Variants in MOV10 observed in about 807,000 individuals in gnomAD.
The protein encoded by MOV10 is Mov10 RNA helicase.
Under a neutral mutation model 108.4 loss-of-function variants are expected in MOV10, and 39 were observed. The ratio of observed to expected loss-of-function variants is 0.36; its 90% CI spans 0.28 to 0.47. The LOEUF (loss-of-function observed/expected upper bound fraction) is 0.47, where lower values mean the gene tolerates loss of function less well. MOV10 is among the 20% of genes least tolerant of loss of function. MOV10 has a pLI of 1.00. For missense variants in MOV10, 952 were observed against 1,297.6 expected (o/e 0.73, Z 4.09); for synonymous variants, 490 against 523.1 (o/e 0.94, Z 0.86).
At chr1:112,689,745 T>C in intron 4 of MOV10, 95 bp downstream of exon 4, 2 of 1,581,942 alleles carry the variant, frequency 1.3e-6, no homozygotes, top group Non-Finnish European at 1.7e-6. Context: ...TCCATGGGAC[T>C]CTTGCCTTGG....
chr1:112,687,974 A>AAGAG (rs1242793270), intron 2 of MOV10, among the ~76,000 whole-genome samples: 1 of 152,004 alleles, frequency 6.6e-6, no homozygotes, highest in East Asian at 1.9e-4. Flanking sequence ...TCTTGTGCCC[A>AAGAG]GGTAATGCCC....
At chr1:112,693,451 G>A (rs1019488554) in intron 7 of MOV10, among the ~76,000 whole-genome samples, 7 of 152,162 alleles carry the variant, frequency 4.6e-5, no homozygotes, top group African/African-American at 1.2e-4. Context: ...ATCTTGGCTC[G>A]CTTTAATCCC....
chr1:112,684,363 G>C (rs1026920411), intron 2 of MOV10, among the ~76,000 whole-genome samples: 1 of 150,820 alleles, frequency 6.6e-6, no homozygotes, highest in African/African-American at 2.4e-5. Flanking sequence ...CGCCTCCTGG[G>C]TTCAAGCGAT....
In MOV10 at chr1:112,691,757, G is replaced by T; in HGVS notation, c.929G>T (p.Gly310Val). 1 of 1,614,134 alleles carries T rather than the reference G, an allele frequency of 6.2e-7. No individual in the cohort carries two copies. Residue 310 changes from glycine to valine, a missense_variant, in exon 6 of 21, where the codon GGA becomes GTA. By Grantham distance (109) the Gly-to-Val change is moderately radical. Around this residue, in one of 5 missense-constraint regions of MOV10, gnomAD observed 374 missense variants for 468.6 expected, o/e 0.80. Transcript: ENST00000369645. Reference protein sequence around the residue: ...LRQLLPMLLQGTSIFTAPKEI... With the variant: ...LRQLLPMLLQVTSIFTAPKEI... ...CAGCTGCTCCCCATGCTTCTTCAGGGAACAAGTATCTTCACTGCCCCTAAG... is the reference window on the plus strand; with the variant it reads ...CAGCTGCTCCCCATGCTTCTTCAGGTAACAAGTATCTTCACTGCCCCTAAG...
At chr1:112,700,089 TC>T in intron 19 of MOV10, 107 bp downstream of exon 19, 1 of 1,584,476 alleles carries the variant, frequency 6.3e-7, no homozygotes, top group Non-Finnish European at 8.6e-7. Flanking sequence ...CTCAGATGTG[TC>T]CATTTTCACA....
At chr1:112,696,950 G>T in intron 14 of MOV10, 104 bp downstream of exon 14, 1 of 952,358 alleles carries the variant, frequency 1.1e-6, no homozygotes, top group Non-Finnish European at 1.6e-6. Flanking sequence ...TTGCTCAGAG[G>T]TTGTGTGATG....
rs151244537 is a variant in MOV10 at position 112,688,764 on chromosome 1, C to T, written c.138-171C>T. 1,166 of 1,446,888 alleles carry T rather than the reference C, an allele frequency of 8.1e-4. 6 individuals are homozygous for T. In the African/African-American group the frequency reaches 0.015, roughly 19 times the overall value. The allele number at this position is 1,446,888 out of a possible 1,614,324, so 89.6% of individuals were successfully genotyped here. A position where few individuals can be genotyped will look rare whatever the true frequency, so the allele number is the denominator to read the frequency against. ...CATTGCCTTCCCTGAAAACATTAAA[C>T]ATTCCTCCGATCCCCAGCCTGAGTC... On this transcript the variant is annotated intron_variant, in intron 2 of 20. Coordinates refer to ENST00000369645, the MANE Select transcript of MOV10 (RefSeq NM_001321324.2).
At chr1:112,688,167 G>A (rs1219915655) in intron 2 of MOV10, among the ~76,000 whole-genome samples, 3 of 152,192 alleles carry the variant, frequency 2.0e-5, no homozygotes, top group South Asian at 2.1e-4. Flanking sequence ...CGAGGCAAGC[G>A]CTGAGTTTCT....
intron 2 of MOV10, among the ~76,000 whole-genome samples, chr1:112,676,263 A>G (rs1023341775): frequency 1.3e-5 from 2 of 152,216 alleles, no homozygotes; most frequent in Non-Finnish European, 2.9e-5. Flanking sequence ...CATGTACACA[A>G]TATAGGATAG....
Position 112,700,112 on chromosome 1 carries a change from G to GT in MOV10, c.2799-106dup. 3.8e-6 allele frequency: 6 copies of GT among 1,589,976 alleles called. 1 individual carries two copies. The Middle Eastern group carries it at 9.5e-4, about 253-fold the overall frequency. On this transcript the variant is annotated intron_variant, in intron 19 of 20. Transcript: ENST00000369645. The stretch of plus-strand genomic sequence containing the variant: ...TGTCCATTTTCACAGCATCACTATT[G>GT]TATTTATAAGTTAAATGACATCCAG...
chr1:112,674,877 A>G lies in MOV10; in HGVS notation c.-36A>G, dbSNP rs779940711. ...AGCGGCGACTTTCAGTTTCATTTCC[A>G]CGGACCCTCCTGCCTGGGCCGCAGC... is the stretch of plus-strand genomic sequence containing the variant. On this transcript the variant is annotated 5_prime_UTR_variant, in exon 2 of 21. Coordinates refer to ENST00000369645, the MANE Select transcript of MOV10 (RefSeq NM_001321324.2). 3.3e-6 allele frequency: 5 copies of G among 1,524,368 alleles called. No homozygotes were observed. Among genetic ancestry groups the G allele is most frequent in the Non-Finnish European group, 3.5e-6 (4 of 1,141,056 alleles). The allele number at this position is 1,524,368 out of a possible 1,614,324, so 94.4% of individuals were successfully genotyped here. A position where few individuals can be genotyped will look rare whatever the true frequency, so the allele number is the denominator to read the frequency against.
rs150456575 is a variant in MOV10 at position 112,695,535 on chromosome 1, C to T, written c.1740C>T (p.Ala580=). 8.0e-4 allele frequency: 1,285 copies of T among 1,614,012 alleles called. 4 individuals carry two copies. Among genetic ancestry groups the T allele is most frequent in the Non-Finnish European group, 9.8e-4 (1,155 of 1,180,036 alleles). ...CTAGCTCCATCTACCGCCTCCTGGC[C>T]CCCAGCAGGGACATCCGCATGGTAC... ...HLPSSIYRLL[A]PSRDIRMVPE... Residue 580 remains alanine, a synonymous_variant, in exon 11 of 21, where the codon GCC becomes GCT. Coordinates refer to ENST00000369645, the MANE Select transcript of MOV10 (RefSeq NM_001321324.2).
rs753180771 is a variant in MOV10 at position 112,699,887 on chromosome 1, C to T, written c.2710-7C>T. ...CCTCCCATGACCACACCACTTCTTC[C>T]TTCCAGAGGTTCAATGTAGCTGTGA... On this transcript the variant is annotated splice_region_variant and splice_polypyrimidine_tract_variant and intron_variant, in intron 18 of 20. Transcript: ENST00000369645. 1.7e-5 allele frequency: 28 copies of T among 1,614,056 alleles called. No homozygotes were observed. In the Admixed American group the frequency reaches 4.5e-4, roughly 26 times the overall value.
intron 2 of MOV10, chr1:112,688,504 C>CA (rs1673273264): frequency 1.9e-6 from 2 of 1,076,150 alleles, no homozygotes; most frequent in Admixed American, 4.8e-5. Flanking sequence ...CTGGACCCCA[C>CA]ATCCACCCCT....
chr1:112,675,881 T>C lies in MOV10; in HGVS notation c.137+832T>C, dbSNP rs6537749. On this transcript the variant is annotated intron_variant, in intron 2 of 20. Coordinates refer to ENST00000369645, the MANE Select transcript of MOV10 (RefSeq NM_001321324.2). This position sits in a 1 kb window ranked among gnomAD's most constrained non-coding sequence, Gnocchi z 4.7. The stretch of plus-strand genomic sequence containing the variant: ...AAGACTTGTACAAATAAACATAAGG[T>C]AGTGGGAATCTGGGCTTAATAACAG... Among the ~76,000 whole-genome samples, 51,156 of 152,042 alleles carry C rather than the reference T, an allele frequency of 0.34. 10,755 individuals are homozygous for C. Among genetic ancestry groups the C allele is most frequent in the South Asian group, 0.62 (2,973 of 4,816 alleles).
chr1:112,682,541 G>T (rs1046667802), intron 2 of MOV10, among the ~76,000 whole-genome samples: 8 of 152,186 alleles, frequency 5.3e-5, no homozygotes, highest in Non-Finnish European at 7.3e-5. Context: ...GTTCTGTGAG[G>T]TTTAACAAAT....
At chr1:112,692,341 A>T (rs1489455649) in intron 6 of MOV10, among the ~76,000 whole-genome samples, 11 of 152,204 alleles carry the variant, frequency 7.2e-5, no homozygotes, top group Admixed American at 7.2e-4. Context: ...GTCTCTAAAA[A>T]AGATGAACAG....
At chr1:112,690,193 C>T (rs1673458611) in intron 5 of MOV10, 95 bp downstream of exon 5, 4 of 1,462,312 alleles carry the variant, frequency 2.7e-6, no homozygotes, top group Admixed American at 4.5e-5. Context: ...AGCCAGAGCC[C>T]TTTTCCTACA....
chr1:112,677,875 T>A (rs1372273859), intron 2 of MOV10, among the ~76,000 whole-genome samples: 1 of 152,134 alleles, frequency 6.6e-6, no homozygotes, highest in Non-Finnish European at 1.5e-5. Context: ...TATAAAGTGC[T>A]CTGCTCTGAA....
Sources: gnomAD v4.1 joint callset for allele counts (sites outside exome capture counted in the v4.1 genomes callset) on GRCh38, gnomAD v4.1.1 for gene constraint, gnomAD v4.1.1 regional missense constraint, Gnocchi (gnomAD v3.1) non-coding constraint, MANE v1.5 for transcripts, NCBI Gene and HGNC (gene_info 2026-07-23, HGNC 2026-07-21) for gene names.